The following RAB27A variants were observed in gnomAD, a reference collection of about 807,000 sequenced individuals.
The protein encoded by RAB27A is RAB27A, member RAS oncogene family.
In RAB27A, 17 loss-of-function variants were observed where a neutral mutation model predicts 20.8. That is an observed-to-expected ratio of 0.82 (90% CI 0.56 to 1.23). The LOEUF is 1.23. Among genes scored for constraint, RAB27A ranks in the 50% most tolerant of loss-of-function variants. The probability of loss-of-function intolerance (pLI) is 0.00; values close to 1 mark genes in which losing one functional copy is unlikely to be tolerated. For synonymous variants in RAB27A, 85 were observed against 92.8 expected (o/e 0.92, Z 0.48); for missense variants, 277 against 266.7 (o/e 1.04, Z -0.27).
chr15:55,296,162 G>C (rs181414025), intron 2 of RAB27A, among the ~76,000 whole-genome samples: 2 of 151,084 alleles, frequency 1.3e-5, no homozygotes, highest in African/African-American at 4.8e-5. Context: ...CCAAAGTGCT[G>C]GGATTACAGG....
intron 2 of RAB27A, among the ~76,000 whole-genome samples, chr15:55,305,822 C>T (rs1232417053): frequency 6.6e-6 from 1 of 152,100 alleles, no homozygotes; most frequent in Non-Finnish European, 1.5e-5. Context: ...TCCATGTCAC[C>T]ATTTATTTCT....
Position 55,244,188 on chromosome 15 carries a change from C to T in RAB27A, c.-22-9232G>A, listed in dbSNP as rs558138507. ...AAATGGCTAGGCGTGGTGATGGGTG[C>T]CTGTAATCCCAGCTACTCAGCGGGG... On this transcript the variant is annotated intron_variant, in intron 2 of 6. Coordinates refer to ENST00000336787, the MANE Select transcript of RAB27A (RefSeq NM_183235.3). 3.9e-5 allele frequency among the ~76,000 whole-genome samples: 6 copies of T among 152,066 alleles called. No individual in the cohort carries two copies. The South Asian group carries it at 1.2e-3, about 32-fold the overall frequency.
intron 2 of RAB27A, among the ~76,000 whole-genome samples, chr15:55,250,813 C>A (rs1896861051): frequency 1.3e-5 from 2 of 152,168 alleles, no homozygotes; most frequent in South Asian, 2.1e-4. Context: ...TGCAACAAAC[C>A]TTTCATTGCC....
chr15:55,266,216 G>C (rs1399525185), intron 2 of RAB27A, among the ~76,000 whole-genome samples: 2 of 152,228 alleles, frequency 1.3e-5, no homozygotes, highest in Admixed American at 1.3e-4. Context: ...TTTCTGCCTT[G>C]TGAGAATACA....
At chr15:55,273,676 G>A (rs1041687163) in intron 1 of RAB27A, among the ~76,000 whole-genome samples, 2 of 152,060 alleles carry the variant, frequency 1.3e-5, no homozygotes, top group Non-Finnish European at 2.9e-5. Flanking sequence ...TGACAAGGAG[G>A]TGAATTCATC....
chr15:55,257,628 G>C, intron 2 of RAB27A, among the ~76,000 whole-genome samples: 1 of 152,202 alleles, frequency 6.6e-6, no homozygotes, highest in East Asian at 1.9e-4. Context: ...GCCTGCAATA[G>C]GCACCTCCTC....
intron 6 of RAB27A, among the ~76,000 whole-genome samples, chr15:55,209,845 CA>C (rs1302968594): frequency 9.5e-6 from 1 of 104,738 alleles, no homozygotes; most frequent in East Asian, 2.6e-4. Context: ...TGTGTGTACA[CA>C]TATATGTGTG....
At position 55,203,464 on chromosome 15, in the gene RAB27A, G is replaced by T. The variant is rs1317214872; in HGVS notation, c.*2043C>A. 1.4e-5 allele frequency: 2 copies of T among 147,912 alleles called. No homozygotes were observed. Among genetic ancestry groups the T allele is most frequent in the Admixed American group, 1.4e-4 (2 of 14,768 alleles). 9.2% of individuals were successfully genotyped at this position (147,912 alleles called of 1,614,324 possible). A position where few individuals can be genotyped will look rare whatever the true frequency, so the allele number is the denominator to read the frequency against. On this transcript the variant is annotated 3_prime_UTR_variant, in exon 7 of 7. Coordinates refer to ENST00000336787, the MANE Select transcript of RAB27A (RefSeq NM_183235.3). ...AGAGTCTCCTCTGTCGCCCAGGCTGGAGTGCAGTGGCGCAATCTCGGCTCA... is the reference window on the plus strand; with the variant it reads ...AGAGTCTCCTCTGTCGCCCAGGCTGTAGTGCAGTGGCGCAATCTCGGCTCA...
At chr15:55,316,760 T>C (rs1294491583) in intron 1 of RAB27A, among the ~76,000 whole-genome samples, 1 of 152,154 alleles carries the variant, frequency 6.6e-6, no homozygotes, top group Non-Finnish European at 1.5e-5. Flanking sequence ...TTAAAAAACA[T>C]CTGTGTCATA....
intron 3 of RAB27A, among the ~76,000 whole-genome samples, chr15:55,231,847 T>G (rs1005947059): frequency 6.6e-6 from 1 of 152,024 alleles, no homozygotes; most frequent in African/African-American, 2.4e-5. Flanking sequence ...CAGTAATTAT[T>G]TAACATCACA....
intron 2 of RAB27A, among the ~76,000 whole-genome samples, chr15:55,296,903 G>A (rs1042749969): frequency 3.3e-5 from 5 of 152,128 alleles, no homozygotes; most frequent in Admixed American, 2.6e-4. Flanking sequence ...GATAGGTGCA[G>A]GAGGGTTCAG....
intron 2 of RAB27A, among the ~76,000 whole-genome samples, chr15:55,306,697 G>A (rs1311396760): frequency 6.6e-6 from 1 of 152,190 alleles, no homozygotes. Flanking sequence ...TGTGGGCGGT[G>A]AAGGCGGGGT....
intron 6 of RAB27A, among the ~76,000 whole-genome samples, chr15:55,211,538 G>T (rs568118913): frequency 2.0e-5 from 3 of 152,112 alleles, no homozygotes; most frequent in Non-Finnish European, 4.4e-5. Flanking sequence ...TTGCTTTCTT[G>T]ATTTCTTTTT....
At chr15:55,224,645 C>T (rs7180504) in intron 5 of RAB27A, among the ~76,000 whole-genome samples, 9,597 of 152,182 alleles carry the variant, frequency 0.063, 359 homozygotes, top group South Asian at 0.14. Context: ...TTTTATTTCA[C>T]CTGAAAACCT....
intron 2 of RAB27A, among the ~76,000 whole-genome samples, chr15:55,303,911 A>C (rs2054986598): frequency 6.9e-6 from 1 of 144,972 alleles, no homozygotes; most frequent in Admixed American, 6.7e-5. Flanking sequence ...GGCCGCCCCT[A>C]CTGGGAAGTG....
At chr15:55,303,342 G>A (rs1262616622) in intron 2 of RAB27A, among the ~76,000 whole-genome samples, 89 of 84,474 alleles carry the variant, frequency 1.1e-3, no homozygotes, top group African/African-American at 4.3e-3. Flanking sequence ...CAGCCGCCCC[G>A]TCTGGGAGGT....
At chr15:55,221,706 A>G in intron 6 of RAB27A, among the ~76,000 whole-genome samples, 1 of 152,150 alleles carries the variant, frequency 6.6e-6, no homozygotes, top group South Asian at 2.1e-4. Context: ...TTTTGGGGGT[A>G]GGAAGTGAAG....
chr15:55,238,973 T>C (rs1311039032), intron 2 of RAB27A, among the ~76,000 whole-genome samples: 3 of 152,324 alleles, frequency 2.0e-5, no homozygotes, highest in African/African-American at 7.2e-5. Context: ...ACTTTCTGAC[T>C]TTGGCTAAAA....
At chr15:55,266,465 T>C (rs1309814437) in intron 2 of RAB27A, among the ~76,000 whole-genome samples, 2 of 152,166 alleles carry the variant, frequency 1.3e-5, no homozygotes, top group African/African-American at 4.8e-5. Context: ...AGTGATTAAT[T>C]TGAGATATAT....
Sources: allele counts gnomAD v4.1 joint callset (sites outside exome capture counted in the v4.1 genomes callset), GRCh38; gene constraint gnomAD v4.1.1; transcripts MANE v1.5; gene names NCBI Gene and HGNC (gene_info 2026-07-23, HGNC 2026-07-21).